The following MARCHF1 variants were observed in gnomAD, a reference collection of about 807,000 sequenced individuals.
The protein encoded by MARCHF1 is membrane associated ring-CH-type finger 1, also known as E3 ubiquitin-protein ligase MARCHF1.
A neutral mutation model predicts 54.2 loss-of-function variants in MARCHF1; 40 were observed. The ratio of observed to expected loss-of-function variants is 0.74; its 90% CI spans 0.57 to 0.96. MARCHF1 has a LOEUF of 0.96. Ranked by LOEUF, MARCHF1 falls within the 40% of genes least tolerant of loss-of-function variation. MARCHF1 has a pLI of 0.00. For missense variants in MARCHF1, 586 were observed against 656.5 expected, an observed-to-expected ratio of 0.89 and a Z score of 1.17; for synonymous variants, 236 against 236.3, an observed-to-expected ratio of 1.00 and a Z score of 0.01.
At chr4:163,963,357 T>C (rs529814127) in intron 3 of MARCHF1, among the ~76,000 whole-genome samples, 1 of 152,004 alleles carries the variant, frequency 6.6e-6, no homozygotes, top group East Asian at 1.9e-4. Context: ...GCAGACCATA[T>C]TGGTAACCAG....
chr4:164,188,739 A>T (rs1172970914), intron 1 of MARCHF1: 5 of 1,007,212 alleles, frequency 5.0e-6, no homozygotes, highest in Non-Finnish European at 8.0e-6. Context: ...AAGGTAGTTG[A>T]AAAGAAAACT....
intron 4 of MARCHF1, among the ~76,000 whole-genome samples, chr4:163,813,727 T>G (rs1251080857): frequency 1.3e-5 from 2 of 152,182 alleles, no homozygotes; most frequent in African/African-American, 4.8e-5. Context: ...GTAAGTAATA[T>G]AGTTTAAAAA....
intron 1 of MARCHF1, chr4:164,197,156 C>T (rs1438139337): frequency 1.2e-6 from 2 of 1,607,686 alleles, no homozygotes; most frequent in African/African-American, 2.7e-5. Context: ...TCCTCGCCCT[C>T]CTCATCTTCC....
intron 1 of MARCHF1, among the ~76,000 whole-genome samples, chr4:164,202,507 G>A (rs1326360837): frequency 1.3e-5 from 2 of 152,174 alleles, no homozygotes; most frequent in Non-Finnish European, 2.9e-5. Context: ...AGACTAGAAT[G>A]TGTAAAAAGT....
intron 4 of MARCHF1, among the ~76,000 whole-genome samples, chr4:163,706,996 T>C (rs914735961): frequency 6.6e-6 from 1 of 152,092 alleles, no homozygotes; most frequent in Non-Finnish European, 1.5e-5. Context: ...CCAGTCAGTA[T>C]TGAGGATAGT....
At chr4:164,286,872 T>C (rs1259464575) in intron 1 of MARCHF1, among the ~76,000 whole-genome samples, 1 of 149,682 alleles carries the variant, frequency 6.7e-6, no homozygotes, top group Non-Finnish European at 1.5e-5. Flanking sequence ...AAGGAAATTT[T>C]TTGTGGGTGT....
At chr4:163,868,206 A>ATATCAAAATAGGAAAAATAG in intron 3 of MARCHF1, among the ~76,000 whole-genome samples, 1 of 152,082 alleles carries the variant, frequency 6.6e-6, no homozygotes, top group South Asian at 2.1e-4. Flanking sequence ...TCAAATATCA[A>ATATCAAAATAGGAAAAATAG]TATCAAAATA....
chr4:163,803,315 A>C (rs890981074), intron 4 of MARCHF1, among the ~76,000 whole-genome samples: 1 of 152,108 alleles, frequency 6.6e-6, no homozygotes, highest in Non-Finnish European at 1.5e-5. Context: ...CTGGGATTAC[A>C]GGTGTGCGCC....
chr4:163,920,680 C>T (rs541027545), intron 3 of MARCHF1, among the ~76,000 whole-genome samples: 1 of 152,094 alleles, frequency 6.6e-6, no homozygotes, highest in Non-Finnish European at 1.5e-5. Flanking sequence ...TCCCTGCCCC[C>T]ACAGGATGGA....
At chr4:164,271,416 C>T (rs2111308802) in intron 1 of MARCHF1, among the ~76,000 whole-genome samples, 2 of 152,144 alleles carry the variant, frequency 1.3e-5, no homozygotes, top group East Asian at 3.9e-4. Context: ...AGAGGAGAGG[C>T]AATGAGAAAA....
At chr4:163,622,442 GAAA>G (rs113206751) in intron 5 of MARCHF1, among the ~76,000 whole-genome samples, 1 of 146,814 alleles carries the variant, frequency 6.8e-6, no homozygotes, top group African/African-American at 2.5e-5. Context: ...CAGATCTTTT[GAAA>G]AAAAAAAATC....
At chr4:164,025,932 A>G (rs1246342883) in intron 2 of MARCHF1, among the ~76,000 whole-genome samples, 1 of 152,120 alleles carries the variant, frequency 6.6e-6, no homozygotes, top group Non-Finnish European at 1.5e-5. Context: ...ATCAGAAACT[A>G]CTGTGAATAA....
intron 8 of MARCHF1, among the ~76,000 whole-genome samples, chr4:163,557,695 G>A (rs1026366229): frequency 1.3e-5 from 2 of 149,882 alleles, no homozygotes; most frequent in African/African-American, 4.9e-5. Context: ...TAATAAAAAT[G>A]GGTTAGCCTT....
chr4:163,697,785 A>G lies in MARCHF1; in HGVS notation c.162+3028T>C, dbSNP rs554067995. ...CAATTTATTATTTATTGTTGAATAT[A>G]TGTATACATTTTATGGAAATAGGAA... is the stretch of plus-strand genomic sequence containing the variant. On this transcript the variant is annotated intron_variant, in intron 5 of 9. Coordinates refer to ENST00000514618, the MANE Select transcript of MARCHF1 (RefSeq NM_001394959.1). Among the ~76,000 whole-genome samples, 211 of 152,304 alleles carry G rather than the reference A, an allele frequency of 1.4e-3. 1 individual carries two copies. The highest frequency in any genetic ancestry group is 3.4e-3 in the Middle Eastern group (1 of 294).
intron 1 of MARCHF1, among the ~76,000 whole-genome samples, chr4:164,256,696 G>A (rs1733297331): frequency 6.6e-6 from 1 of 152,114 alleles, no homozygotes; most frequent in South Asian, 2.1e-4. Flanking sequence ...TAGTTTCTAT[G>A]AACAGCTTAA....
intron 4 of MARCHF1, among the ~76,000 whole-genome samples, chr4:163,776,990 T>C (rs2110889336): frequency 6.6e-6 from 1 of 152,308 alleles, no homozygotes; most frequent in Admixed American, 6.5e-5. Flanking sequence ...CTGTTTTGCT[T>C]TTTAATTCAA....
At chr4:163,642,153 T>C (rs1742577023) in intron 5 of MARCHF1, among the ~76,000 whole-genome samples, 1 of 152,210 alleles carries the variant, frequency 6.6e-6, no homozygotes, top group Non-Finnish European at 1.5e-5. Flanking sequence ...TGAGCTTAAG[T>C]ACGCAGGTGC....
At chr4:163,861,659 G>C (rs925804623) in intron 3 of MARCHF1, among the ~76,000 whole-genome samples, 7 of 152,112 alleles carry the variant, frequency 4.6e-5, no homozygotes, top group African/African-American at 1.7e-4. Flanking sequence ...TTCCCAACTT[G>C]AGCTATACAT....
At chr4:163,999,887 T>C (rs1399615629) in intron 2 of MARCHF1, among the ~76,000 whole-genome samples, 1 of 151,762 alleles carries the variant, frequency 6.6e-6, no homozygotes, top group Non-Finnish European at 1.5e-5. Flanking sequence ...AGTTAATGAC[T>C]GATTTATATA....
Sources: gnomAD v4.1 joint callset for allele counts (sites outside exome capture counted in the v4.1 genomes callset) on GRCh38, gnomAD v4.1.1 for gene constraint, MANE v1.5 for transcripts, NCBI Gene and HGNC (gene_info 2026-07-23, HGNC 2026-07-21) for gene names.